MICAL2: variants seen among roughly 807,000 people sequenced by gnomAD.
MICAL2 encodes the protein [F-actin]-monooxygenase MICAL2.
A neutral mutation model predicts 127.3 loss-of-function variants in MICAL2; 77 were observed. The ratio of observed to expected loss-of-function variants is 0.60; its 90% CI spans 0.50 to 0.73. MICAL2 has a LOEUF of 0.73. MICAL2 is among the 30% of genes least tolerant of loss of function. The pLI, the probability that MICAL2 is intolerant of heterozygous loss-of-function variation, is 0.00. For missense variants in MICAL2, 1,351 were observed against 1,434.4 expected (o/e 0.94, Z 0.94); for synonymous variants, 570 against 551.1 (o/e 1.03, Z -0.48).
At chr11:12,255,173 C>T in intron 22 of MICAL2, 2 of 159,192 alleles carry the variant, frequency 1.3e-5, no homozygotes, top group Admixed American at 6.0e-5. Flanking sequence ...CCATCTCGGC[C>T]TCCCAAAGTA....
In MICAL2 at chr11:12,180,874, A is replaced by G. The variant is rs142357252; in HGVS notation, c.264+18455A>G. 2.3e-3 allele frequency among the ~76,000 whole-genome samples: 349 copies of G among 151,554 alleles called. 3 individuals carry two copies. The highest frequency in any genetic ancestry group is 8.0e-3 in the African/African-American group (329 of 41,372). On this transcript the variant is annotated intron_variant, in intron 3 of 27. Coordinates refer to ENST00000683283, the MANE Select transcript of MICAL2 (RefSeq NM_001282663.2). Reference sequence around the variant, plus strand: ...TCTTCAACAGTTGATCTTGGGTGATAAGGATACAGAGAGGGCTCAGAAATT... The same window carrying G: ...TCTTCAACAGTTGATCTTGGGTGATGAGGATACAGAGAGGGCTCAGAAATT...
At chr11:12,260,160 C>A in intron 26 of MICAL2, 1 of 1,520,198 alleles carries the variant, frequency 6.6e-7, no homozygotes, top group South Asian at 1.2e-5. Flanking sequence ...GCTTCCCAGT[C>A]AAGCTCCGCT....
intron 6 of MICAL2, among the ~76,000 whole-genome samples, chr11:12,212,408 C>G (rs182632001): frequency 1.3e-5 from 2 of 151,982 alleles, no homozygotes; most frequent in Non-Finnish European, 2.9e-5. Flanking sequence ...CCTGGGAGGT[C>G]GAGGCTGCAG....
At position 12,315,177 on chromosome 11, in the gene MICAL2, T is replaced by C. The variant is rs553956407; in HGVS notation, c.5213-4519T>C. 8.5e-5 allele frequency among the ~76,000 whole-genome samples: 13 copies of C among 152,340 alleles called. 1 individual carries two copies. Among genetic ancestry groups the C allele is most frequent in the African/African-American group, 3.1e-4 (13 of 41,582 alleles). On this transcript the variant is annotated intron_variant, in intron 29 of 34. Transcript: ENST00000646065. ...TTTAATGATATCATGCCATTGTTCA[T>C]AGCTTCCATTGTTTCTCTTCAAAGT...
At chr11:12,211,917 A>G (rs1482868360) in intron 6 of MICAL2, among the ~76,000 whole-genome samples, 1 of 152,186 alleles carries the variant, frequency 6.6e-6, no homozygotes, top group African/African-American at 2.4e-5. Flanking sequence ...TGCAAACAGC[A>G]TGCAGTTTAT....
intron 1 of MICAL2, among the ~76,000 whole-genome samples, chr11:12,135,747 C>T (rs928998962): frequency 6.6e-6 from 1 of 152,178 alleles, no homozygotes; most frequent in African/African-American, 2.4e-5. Flanking sequence ...TTAGACACTT[C>T]TCTTGCTCTG....
At chr11:12,186,915 G>A (rs964887581) in intron 3 of MICAL2, among the ~76,000 whole-genome samples, 1 of 152,222 alleles carries the variant, frequency 6.6e-6, no homozygotes, top group Admixed American at 6.5e-5. Context: ...GCTGGGCTGT[G>A]TACCCATCTG....
At chr11:12,227,231 T>C in intron 15 of MICAL2, 100 bp downstream of exon 15, 1 of 855,788 alleles carries the variant, frequency 1.2e-6, no homozygotes, top group East Asian at 2.6e-5. Context: ...GCTAGTAAGT[T>C]ACATGGATCA....
At chr11:12,238,536 G>A (rs2706633) in intron 16 of MICAL2, among the ~76,000 whole-genome samples, 150,995 of 152,322 alleles carry the variant, frequency 0.99, 74,852 homozygotes, top group Middle Eastern at 1. Context: ...CCCAGATTGA[G>A]GGGCTTTCTA....
intron 29 of MICAL2, among the ~76,000 whole-genome samples, chr11:12,310,030 T>C (rs1438719028): frequency 6.6e-6 from 1 of 152,146 alleles, no homozygotes; most frequent in Non-Finnish European, 1.5e-5. Context: ...AATTATTTGG[T>C]TTTTTGTACT....
At chr11:12,260,164 C>T (rs1862901033) in intron 26 of MICAL2, 2 of 1,516,716 alleles carry the variant, frequency 1.3e-6, no homozygotes, top group Admixed American at 2.0e-5. Flanking sequence ...CCCAGTCAAG[C>T]TCCGCTGACA....
intron 1 of MICAL2, among the ~76,000 whole-genome samples, chr11:12,111,299 G>T (rs1016247161): frequency 6.6e-6 from 1 of 152,188 alleles, no homozygotes; most frequent in Non-Finnish European, 1.5e-5. Flanking sequence ...GAGGGGCCGC[G>T]GCACTGTCCG....
downstream of MICAL2, among the ~76,000 whole-genome samples, chr11:12,293,154 G>T (rs1863926473): frequency 6.6e-6 from 1 of 152,180 alleles, no homozygotes; most frequent in African/African-American, 2.4e-5. Flanking sequence ...ATGCCTTTTA[G>T]TACAGACAAT....
intron 3 of MICAL2, among the ~76,000 whole-genome samples, chr11:12,190,682 T>C (rs958114056): frequency 1.3e-5 from 2 of 152,226 alleles, no homozygotes; most frequent in African/African-American, 4.8e-5. Flanking sequence ...CCACAGATAA[T>C]TTGTGTTCAC....
At chr11:12,119,831 C>G (rs894240550) in intron 1 of MICAL2, among the ~76,000 whole-genome samples, 2 of 152,108 alleles carry the variant, frequency 1.3e-5, no homozygotes, top group Non-Finnish European at 2.9e-5. Flanking sequence ...TAGTTCTCAT[C>G]CTGGCCACCT....
At chr11:12,186,326 G>A (rs184356246) in intron 3 of MICAL2, among the ~76,000 whole-genome samples, 6 of 152,006 alleles carry the variant, frequency 3.9e-5, no homozygotes, top group South Asian at 2.1e-4. Flanking sequence ...GTTCAAAGTG[G>A]GCCTTAGACC....
intron 3 of MICAL2, among the ~76,000 whole-genome samples, chr11:12,201,922 C>T (rs1176969356): frequency 6.6e-6 from 1 of 152,162 alleles, no homozygotes; most frequent in Admixed American, 6.5e-5. Context: ...AGTTCAAGAC[C>T]AGCCTGACCA....
intron 2 of MICAL2, among the ~76,000 whole-genome samples, chr11:12,159,478 G>A (rs1004209124): frequency 6.6e-6 from 1 of 152,172 alleles, no homozygotes; most frequent in African/African-American, 2.4e-5. Flanking sequence ...CGTCATCCAC[G>A]TTTCTTGCCC....
chr11:12,359,151 A>G (rs1939173338), downstream of MICAL2: 1 of 152,636 alleles, frequency 6.6e-6, no homozygotes, highest in African/African-American at 2.4e-5. Context: ...TAAGAAGAAA[A>G]GAAAAAAGGA....
Sources: allele counts gnomAD v4.1 joint callset (sites outside exome capture counted in the v4.1 genomes callset), GRCh38; gene constraint gnomAD v4.1.1; transcripts MANE v1.5; gene names NCBI Gene and HGNC (gene_info 2026-07-23, HGNC 2026-07-21).